The following KIF5C variants were observed in gnomAD, a reference collection of about 807,000 sequenced individuals.
The protein encoded by KIF5C is kinesin heavy chain isoform 5C.
In KIF5C, 18 loss-of-function variants were observed where a neutral mutation model predicts 125.2. The ratio of observed to expected loss-of-function variants is 0.14; its 90% CI spans 0.10 to 0.21. The LOEUF is 0.21. Among genes scored for constraint, KIF5C ranks in the 10% least tolerant of loss-of-function variants. KIF5C has a pLI of 1.00. For missense variants in KIF5C, 780 were observed against 1,183.8 expected (o/e 0.66, Z 5.01); for synonymous variants, 405 against 434.0 (o/e 0.93, Z 0.83).
At chr2:148,920,860 C>T (rs955238807) in intron 1 of KIF5C, among the ~76,000 whole-genome samples, 1 of 152,154 alleles carries the variant, frequency 6.6e-6, no homozygotes, top group Non-Finnish European at 1.5e-5. Flanking sequence ...TCCAGAGCCA[C>T]ACATAGGAGG....
At position 148,924,713 on chromosome 2, in the gene KIF5C, A is replaced by T. The variant is rs1381835000; in HGVS notation, c.217+2486A>T. 6.6e-6 allele frequency among the ~76,000 whole-genome samples: 1 copy of T among 152,184 alleles called. No homozygotes were observed. The highest frequency in any genetic ancestry group is 1.5e-5 in the Non-Finnish European group (1 of 68,028). The stretch of plus-strand genomic sequence containing the variant: ...CCATGGTAACTGGATGCTATTATTG[A>T]AGTACTGTAACTATGTCCCAGCCTA... On this transcript the variant is annotated intron_variant, in intron 2 of 25. Transcript: ENST00000435030. The surrounding 1 kb of genome is among the most constrained non-coding windows in gnomAD (Gnocchi z 4.0).
chr2:148,941,075 C>A (rs950663102), intron 4 of KIF5C, among the ~76,000 whole-genome samples: 6 of 152,216 alleles, frequency 3.9e-5, no homozygotes, highest in African/African-American at 1.2e-4. Context: ...GTCTAACCAT[C>A]TTTTATCAAG....
At chr2:148,888,995 C>G (rs1681634643) in intron 1 of KIF5C, among the ~76,000 whole-genome samples, 1 of 152,174 alleles carries the variant, frequency 6.6e-6, no homozygotes, top group African/African-American at 2.4e-5. Context: ...CTTTCCCTTA[C>G]TCTAGGTGAT....
rs1393982829 is a variant in KIF5C, at chr2:149,026,016, T to G, written c.*2946T>G. On this transcript the variant is annotated 3_prime_UTR_variant, in exon 26 of 26. Transcript: ENST00000435030. Reference sequence around the variant, plus strand: ...TGTTTGTCTAGAATGTAGCATCTAGTGACTTTTTAAAGCCCTAACGTTTAC... The same window carrying G: ...TGTTTGTCTAGAATGTAGCATCTAGGGACTTTTTAAAGCCCTAACGTTTAC... The G allele has an allele frequency of 1.3e-5, 2 of 152,670 alleles. No individual in the cohort carries two copies. The highest frequency in any genetic ancestry group is 2.9e-5 in the Non-Finnish European group (2 of 68,042). The allele number at this position is 152,670 out of a possible 1,614,324, so 9.5% of individuals were successfully genotyped here. A position where few individuals can be genotyped will look rare whatever the true frequency, so the allele number is the denominator to read the frequency against.
chr2:149,006,703 G>A (rs1342066828), intron 22 of KIF5C, among the ~76,000 whole-genome samples: 1 of 152,158 alleles, frequency 6.6e-6, no homozygotes, highest in Non-Finnish European at 1.5e-5. Flanking sequence ...CAATTTCAAG[G>A]CCTGCATGGC....
chr2:148,962,464 C>T (rs1371683103), intron 11 of KIF5C, among the ~76,000 whole-genome samples: 2 of 152,002 alleles, frequency 1.3e-5, no homozygotes, highest in African/African-American at 4.8e-5. Context: ...TAAACGTGAG[C>T]CACCGTGCCT....
chr2:148,946,776 T>C lies in KIF5C; in HGVS notation c.590-123T>C, dbSNP rs575267160. The C allele has an allele frequency of 1.2e-4, 167 of 1,386,896 alleles. No individual in the cohort carries two copies. In the South Asian group the frequency reaches 2.3e-3, roughly 19 times the overall value. The allele number at this position is 1,386,896 out of a possible 1,614,324, so 85.9% of individuals were successfully genotyped here. A position where few individuals can be genotyped will look rare whatever the true frequency, so the allele number is the denominator to read the frequency against. On this transcript the variant is annotated intron_variant, in intron 7 of 25. Coordinates refer to ENST00000435030, the MANE Select transcript of KIF5C (RefSeq NM_004522.3). ...CAGGGGTCTCAGATAATTTTTAGAA[T>C]TGACTGGACTTACTTCAATGAAATG...
chr2:148,925,976 T>C (rs1226266117), intron 2 of KIF5C, among the ~76,000 whole-genome samples: 1 of 152,182 alleles, frequency 6.6e-6, no homozygotes, highest in Admixed American at 6.5e-5. Flanking sequence ...CCTCTGATTA[T>C]GGCCTACCTG....
At chr2:148,938,142 A>T (rs537717752) in intron 4 of KIF5C, among the ~76,000 whole-genome samples, 2 of 152,234 alleles carry the variant, frequency 1.3e-5, no homozygotes, top group East Asian at 3.9e-4. Flanking sequence ...CTCTTTTGCA[A>T]GTGGCTGAAA....
intron 12 of KIF5C, 119 bp downstream of exon 12, chr2:148,973,630 A>G: frequency 7.3e-7 from 1 of 1,362,316 alleles, no homozygotes; most frequent in Non-Finnish European, 9.7e-7. Context: ...GTTTCCTAAT[A>G]CCTACCCTAG....
chr2:148,995,287 A>G (rs1681634430), intron 17 of KIF5C, among the ~76,000 whole-genome samples: 3 of 152,162 alleles, frequency 2.0e-5, no homozygotes, highest in Admixed American at 1.3e-4. Flanking sequence ...TCTCTGTCCA[A>G]ACGGACACTT....
At chr2:148,965,392 A>T (rs6730426) in intron 11 of KIF5C, among the ~76,000 whole-genome samples, 17,153 of 152,168 alleles carry the variant, frequency 0.11, 1,321 homozygotes, top group African/African-American at 0.21. Flanking sequence ...TGATGGGAGA[A>T]GGGAATTGGA....
At chr2:148,912,623 A>C (rs1025149619) in intron 1 of KIF5C, among the ~76,000 whole-genome samples, 4 of 152,192 alleles carry the variant, frequency 2.6e-5, no homozygotes, top group African/African-American at 9.7e-5. Context: ...TTTTTAAAAA[A>C]TATTTTATAG....
intron 1 of KIF5C, chr2:148,877,403 T>C (rs1296168742): frequency 1.3e-5 from 2 of 152,274 alleles, no homozygotes; most frequent in Non-Finnish European, 2.9e-5. Flanking sequence ...AGAGAAGATA[T>C]AAGCTACGAT....
intron 14 of KIF5C, among the ~76,000 whole-genome samples, chr2:148,981,998 T>G (rs935887789): frequency 5.9e-5 from 9 of 152,214 alleles, no homozygotes; most frequent in African/African-American, 1.9e-4. Flanking sequence ...TGTAAAGCAC[T>G]TAGCACAGAT....
intron 12 of KIF5C, among the ~76,000 whole-genome samples, chr2:148,974,370 T>C (rs1418917822): frequency 6.6e-6 from 1 of 152,234 alleles, no homozygotes; most frequent in Non-Finnish European, 1.5e-5. Context: ...CTTTGTTATG[T>C]TAACCTTGCC....
chr2:148,890,152 T>C (rs1272747799), intron 1 of KIF5C, among the ~76,000 whole-genome samples: 3 of 152,206 alleles, frequency 2.0e-5, no homozygotes, highest in African/African-American at 4.8e-5. Flanking sequence ...GTTATACCTA[T>C]TTATAAGCTA....
chr2:148,883,907 A>G (rs1681440300), intron 1 of KIF5C: 1 of 152,172 alleles, frequency 6.6e-6, no homozygotes, highest in South Asian at 2.1e-4. Context: ...ATTACTGGGT[A>G]AAAGGATATA....
chr2:148,887,311 G>A (rs1681557807), intron 1 of KIF5C, among the ~76,000 whole-genome samples: 1 of 151,678 alleles, frequency 6.6e-6, no homozygotes, highest in Admixed American at 6.6e-5. Flanking sequence ...TTTGTGGTTG[G>A]CATTGTATTT....
Sources: allele counts gnomAD v4.1 joint callset (sites outside exome capture counted in the v4.1 genomes callset), GRCh38; gene constraint gnomAD v4.1.1; non-coding constraint Gnocchi (gnomAD v3.1); transcripts MANE v1.5; gene names NCBI Gene and HGNC (gene_info 2026-07-23, HGNC 2026-07-21).